The following STAG1 variants were observed in gnomAD, a reference collection of about 807,000 sequenced individuals.
STAG1 encodes cohesin subunit SA-1.
STAG1 carries 26 observed loss-of-function variants against 170.9 expected under a neutral mutation model. The observed-to-expected ratio is 0.15, with a 90% CI of 0.11 to 0.21. The LOEUF (loss-of-function observed/expected upper bound fraction) is 0.21, where lower values mean the gene tolerates loss of function less well. Ranked by LOEUF, STAG1 falls within the 10% of genes least tolerant of loss-of-function variation. STAG1 has a pLI of 1.00. For missense variants in STAG1, 964 were observed against 1,509.5 expected (o/e 0.64, Z 5.99); for synonymous variants, 514 against 497.7 (o/e 1.03, Z -0.44).
chr3:136,683,870 G>A (rs912487819), intron 1 of STAG1, among the ~76,000 whole-genome samples: 1 of 152,118 alleles, frequency 6.6e-6, no homozygotes, highest in Non-Finnish European at 1.5e-5. Context: ...AAAGCCAATC[G>A]CTTTCCTATA....
intron 12 of STAG1, among the ~76,000 whole-genome samples, chr3:136,465,396 T>G (rs942109954): frequency 6.6e-6 from 1 of 151,410 alleles, no homozygotes; most frequent in Non-Finnish European, 1.5e-5. Context: ...ATTTTTTGTA[T>G]TTTTAGTAGA....
intron 6 of STAG1, among the ~76,000 whole-genome samples, chr3:136,535,896 A>C (rs1935596714): frequency 6.6e-6 from 1 of 152,220 alleles, no homozygotes; most frequent in African/African-American, 2.4e-5. Flanking sequence ...CCGAATTCCT[A>C]CTATCTGGCT....
chr3:136,478,190 T>C (rs907666903), intron 9 of STAG1, among the ~76,000 whole-genome samples: 1 of 152,188 alleles, frequency 6.6e-6, no homozygotes, highest in African/African-American at 2.4e-5. Flanking sequence ...AATATATTTT[T>C]TAGGCTGAGA....
At chr3:136,590,656 A>G (rs1056844919) in intron 4 of STAG1, among the ~76,000 whole-genome samples, 2 of 152,354 alleles carry the variant, frequency 1.3e-5, no homozygotes, top group South Asian at 2.1e-4. Context: ...ATATTGGTCT[A>G]AGACATGTAC....
intron 12 of STAG1, among the ~76,000 whole-genome samples, chr3:136,466,815 C>T (rs1463381638): frequency 6.6e-6 from 1 of 152,232 alleles, no homozygotes; most frequent in Non-Finnish European, 1.5e-5. Context: ...TCAGCAGAAA[C>T]TGAACAAGCC....
At chr3:136,464,485 T>C (rs2089394077) in intron 13 of STAG1, among the ~76,000 whole-genome samples, 1 of 151,972 alleles carries the variant, frequency 6.6e-6, no homozygotes, top group African/African-American at 2.4e-5. Context: ...AATGAAAATT[T>C]GGAAGGCATT....
At chr3:136,451,593 T>C (rs1314732513) in intron 14 of STAG1, among the ~76,000 whole-genome samples, 1 of 152,012 alleles carries the variant, frequency 6.6e-6, no homozygotes, top group Admixed American at 6.6e-5. Context: ...TGAAACCCCG[T>C]CTCTACTAAA....
intron 1 of STAG1, among the ~76,000 whole-genome samples, chr3:136,694,613 TAAA>T (rs386398002): frequency 7.4e-6 from 1 of 135,318 alleles, no homozygotes; most frequent in Admixed American, 7.5e-5. Flanking sequence ...CCCATCTCTT[TAAA>T]AAAAAAAAAA....
chr3:136,390,025 G>A (rs968466575), intron 22 of STAG1, among the ~76,000 whole-genome samples: 6 of 151,940 alleles, frequency 3.9e-5, no homozygotes, highest in African/African-American at 1.5e-4. Flanking sequence ...TAGAGATGGG[G>A]TTTCACCATA....
rs559143173 is a variant in STAG1 at position 136,443,729 on chromosome 3, C to T, written c.1429-325G>A. Reference sequence around the variant, plus strand: ...GGATCTAGGTCACTTTTCCCTACTCCTTGCGGTCTCTTCAACTATCTTTAT... The same window carrying T: ...GGATCTAGGTCACTTTTCCCTACTCTTTGCGGTCTCTTCAACTATCTTTAT... On this transcript the variant is annotated intron_variant, in intron 14 of 33. Transcript: ENST00000383202. 8.7e-4 allele frequency among the ~76,000 whole-genome samples: 132 copies of T among 152,108 alleles called. 1 individual carries two copies. The highest frequency in any genetic ancestry group is 3.1e-3 in the African/African-American group (128 of 41,492).
chr3:136,348,111 TAAG>T (rs1352288373), intron 29 of STAG1, among the ~76,000 whole-genome samples: 1 of 152,092 alleles, frequency 6.6e-6, no homozygotes, highest in African/African-American at 2.4e-5. Flanking sequence ...TGCTGAAAGA[TAAG>T]AAGTTATAAA....
intron 6 of STAG1, among the ~76,000 whole-genome samples, chr3:136,532,669 T>C (rs1354784520): frequency 6.6e-6 from 1 of 152,140 alleles, no homozygotes; most frequent in Non-Finnish European, 1.5e-5. Context: ...ACAAAAACCC[T>C]ATGATCATCT....
chr3:136,339,060 A>C (rs1273566458), intron 32 of STAG1, among the ~76,000 whole-genome samples: 2 of 152,172 alleles, frequency 1.3e-5, no homozygotes, highest in African/African-American at 4.8e-5. Context: ...AATTAAGGTA[A>C]AATGAGGTCA....
chr3:136,438,786 AAATT>A (rs1250109358), intron 15 of STAG1, among the ~76,000 whole-genome samples: 10 of 152,270 alleles, frequency 6.6e-5, no homozygotes, highest in African/African-American at 2.2e-4. Flanking sequence ...AAATATTTTT[AAATT>A]ATTAATGAAT....
At chr3:136,527,761 T>G (rs1314038483) in intron 6 of STAG1, among the ~76,000 whole-genome samples, 1 of 152,184 alleles carries the variant, frequency 6.6e-6, no homozygotes, top group African/African-American at 2.4e-5. Flanking sequence ...ACATGGGGTT[T>G]TGGTGTGGAT....
At chr3:136,737,817 C>A (rs1006364951) in intron 1 of STAG1, among the ~76,000 whole-genome samples, 1 of 152,132 alleles carries the variant, frequency 6.6e-6, no homozygotes, top group Admixed American at 6.6e-5. Context: ...CGCCTGTAAT[C>A]CCAACACTTT....
intron 7 of STAG1, among the ~76,000 whole-genome samples, chr3:136,517,745 C>T (rs1239304549): frequency 2.0e-5 from 3 of 151,804 alleles, no homozygotes; most frequent in Non-Finnish European, 4.4e-5. Context: ...TAAATTAAAT[C>T]CACAAACTGT....
At chr3:136,657,575 AT>A (rs1941431711) in intron 1 of STAG1, among the ~76,000 whole-genome samples, 1 of 152,274 alleles carries the variant, frequency 6.6e-6, no homozygotes, top group South Asian at 2.1e-4. Flanking sequence ...TAATCCAAAC[AT>A]TTTGGGAGGC....
Position 136,551,165 on chromosome 3 carries a change from C to CTT in STAG1, c.395-8972_395-8971dup, listed in dbSNP as rs750035148. Among the ~76,000 whole-genome samples the CTT allele has an allele frequency of 2.9e-3, 233 of 79,126 alleles. 9 individuals carry two copies. In the East Asian group the frequency reaches 0.03, roughly 10 times the overall value. The allele number at this position is 79,126 out of a possible 152,430, so 51.9% of individuals were successfully genotyped here. On this transcript the variant is annotated intron_variant, in intron 5 of 33. Transcript: ENST00000383202. The stretch of plus-strand genomic sequence containing the variant: ...GTATCTACATAAATTTTTTTAACTC[C>CTT]TTTTTTTTTTTTTTTGAGAGAGAGA...
Sources: allele counts gnomAD v4.1 joint callset (sites outside exome capture counted in the v4.1 genomes callset), GRCh38; gene constraint gnomAD v4.1.1; transcripts MANE v1.5; gene names NCBI Gene and HGNC (gene_info 2026-07-23, HGNC 2026-07-21).